Variants in UBASH3A observed in about 807,000 individuals in gnomAD.
The protein encoded by UBASH3A is ubiquitin associated and SH3 domain containing A, also known as ubiquitin-associated and SH3 domain-containing protein A.
UBASH3A carries 63 observed loss-of-function variants against 73.5 expected under a neutral mutation model. That is an observed-to-expected ratio of 0.86 (90% CI 0.70 to 1.06). UBASH3A has a LOEUF of 1.06. Among genes scored for constraint, UBASH3A ranks in the 50% least tolerant of loss-of-function variants. The pLI, the probability that UBASH3A is intolerant of heterozygous loss-of-function variation, is 0.00. For synonymous variants in UBASH3A, 363 were observed against 351.1 expected, an observed-to-expected ratio of 1.03 and a Z score of -0.38; for missense variants, 860 against 859.0, an observed-to-expected ratio of 1.00 and a Z score of -0.02.
chr21:42,407,794 T>A (rs943838499), intron 2 of UBASH3A, among the ~76,000 whole-genome samples: 1 of 152,324 alleles, frequency 6.6e-6, no homozygotes, highest in South Asian at 2.1e-4. Context: ...TAAAGAGACA[T>A]GTACAAAGAT....
chr21:42,405,647 AT>A (rs1365902485), intron 1 of UBASH3A, among the ~76,000 whole-genome samples: 8 of 152,144 alleles, frequency 5.3e-5, no homozygotes, highest in African/African-American at 1.9e-4. Flanking sequence ...TCCAGTCTGC[AT>A]TCCTGATAAA....
Position 42,434,953 on chromosome 21 carries a change from A to G in UBASH3A, c.1392A>G (p.Ala464=). ...SSCGIFQSRI[A]GDALLDSGIR... ...GTGGCATTTTCCAGTCCAGAATTGC[A>G]GGTATGTTTGAGGACTGTCTAGTAG... The change falls in exon 10 of 15, where the codon GCA becomes GCG. Residue 464 remains alanine, a splice_region_variant and synonymous_variant. Coordinates refer to ENST00000319294, the MANE Select transcript of UBASH3A (RefSeq NM_018961.4). 1 of 1,614,026 alleles carries G rather than the reference A, an allele frequency of 6.2e-7. No individual in the cohort carries two copies. The highest frequency in any genetic ancestry group is 1.3e-5 in the African/African-American group (1 of 75,034).
intron 1 of UBASH3A, among the ~76,000 whole-genome samples, chr21:42,405,234 T>G (rs1360657498): frequency 6.6e-6 from 1 of 152,000 alleles, no homozygotes; most frequent in Non-Finnish European, 1.5e-5. Context: ...GTCAGGCATG[T>G]GCAGGGCGGC....
At chr21:42,406,456 C>A in intron 2 of UBASH3A, 95 bp downstream of exon 2, 1 of 1,113,468 alleles carries the variant, frequency 9.0e-7, no homozygotes, top group Non-Finnish European at 1.4e-6. Context: ...CAGGAAGAGC[C>A]GGGCGCCTCT....
intron 9 of UBASH3A, among the ~76,000 whole-genome samples, 188 bp downstream of exon 9, chr21:42,432,390 T>C (rs1327425464): frequency 6.6e-6 from 1 of 152,226 alleles, no homozygotes; most frequent in African/African-American, 2.4e-5. Flanking sequence ...ATGTATGCAT[T>C]TGAGTGTCTG....
chr21:42,415,223 C>T lies in UBASH3A; in HGVS notation c.668-1219C>T, dbSNP rs530557675. Among the ~76,000 whole-genome samples the T allele has an allele frequency of 9.6e-4, 147 of 152,366 alleles. 4 individuals are homozygous for T. The South Asian group carries it at 0.027, about 28-fold the overall frequency. ...CAGAAGTCGGTGTGACTCACTCTGA[C>T]GTCAGCAACCTGCAGTGGGTCTTTC... is the stretch of plus-strand genomic sequence containing the variant. On this transcript the variant is annotated intron_variant, in intron 5 of 14. Coordinates refer to ENST00000319294, the MANE Select transcript of UBASH3A (RefSeq NM_018961.4).
At chr21:42,434,713 T>C (rs2053596065) in intron 9 of UBASH3A, 119 bp from the exon 10 acceptor site, 3 of 1,169,724 alleles carry the variant, frequency 2.6e-6, no homozygotes, top group South Asian at 3.1e-5. Context: ...AACAACACAG[T>C]TGACAATAAT....
At position 42,404,047 on chromosome 21, in the gene UBASH3A, G is replaced by A. The variant is rs150037450; in HGVS notation, c.102G>A (p.Pro34=). The A allele has an allele frequency of 5.0e-4, 764 of 1,519,210 alleles. No homozygotes were observed. The highest frequency in any genetic ancestry group is 6.4e-4 in the Non-Finnish European group (725 of 1,128,430). 94.1% of individuals were successfully genotyped at this position (1,519,210 alleles called of 1,614,324 possible). Residue 34 remains proline, a synonymous_variant, in exon 1 of 15, where the codon CCG becomes CCA. Transcript: ENST00000319294. ...LLEPLLAMGF[P]VHTALKALAA... is the part of the protein sequence containing the mutation. ...AGCCCCTCCTGGCCATGGGCTTCCC[G>A]GTGCACACCGCGTGAGTACTGCCCA...
chr21:42,419,443 A>G (rs1204922743), intron 7 of UBASH3A, among the ~76,000 whole-genome samples: 2 of 152,218 alleles, frequency 1.3e-5, no homozygotes, highest in Non-Finnish European at 2.9e-5. Flanking sequence ...ATCGCTTACA[A>G]GTCCTGCTCT....
At chr21:42,411,991 T>C (rs1347318823) in intron 3 of UBASH3A, among the ~76,000 whole-genome samples, 1 of 152,156 alleles carries the variant, frequency 6.6e-6, no homozygotes, top group Non-Finnish European at 1.5e-5. Flanking sequence ...TCTGGCCTCA[T>C]ACTTGGGCTT....
Position 42,413,329 on chromosome 21 carries a change from G to T in UBASH3A, c.554-81G>T. The T allele has an allele frequency of 6.5e-7, 1 of 1,546,436 alleles. No individual in the cohort carries two copies. Among genetic ancestry groups the T allele is most frequent in the Non-Finnish European group, 8.9e-7 (1 of 1,126,122 alleles). ...CATGGATGCAGTGGGTGGGTTCCAGGGGAGCAGAGCCCAGCAGCAATGGTG... is the reference window on the plus strand; with the variant it reads ...CATGGATGCAGTGGGTGGGTTCCAGTGGAGCAGAGCCCAGCAGCAATGGTG... On this transcript the variant is annotated intron_variant, in intron 4 of 14. Coordinates refer to ENST00000319294, the MANE Select transcript of UBASH3A (RefSeq NM_018961.4). This position sits in a 1 kb window ranked among gnomAD's most constrained non-coding sequence, Gnocchi z 4.5.
chr21:42,428,767 C>T (rs1327380492), intron 8 of UBASH3A, among the ~76,000 whole-genome samples: 2 of 151,980 alleles, frequency 1.3e-5, no homozygotes, highest in Non-Finnish European at 2.9e-5. Context: ...GTGTCTAAAC[C>T]GTGCTTTCAA....
chr21:42,428,903 C>G (rs1188088355), intron 8 of UBASH3A, among the ~76,000 whole-genome samples: 40 of 152,136 alleles, frequency 2.6e-4, no homozygotes, highest in Admixed American at 2.6e-3. Context: ...AGAATCATGG[C>G]CCCAGAGATG....
chr21:42,413,314 G>A lies in UBASH3A; in HGVS notation c.553+92G>A. 2.6e-6 allele frequency: 4 copies of A among 1,555,728 alleles called. No individual in the cohort carries two copies. Among genetic ancestry groups the A allele is most frequent in the Non-Finnish European group, 1.8e-6 (2 of 1,132,652 alleles). On this transcript the variant is annotated intron_variant, in intron 4 of 14. Transcript: ENST00000319294. The surrounding 1 kb of genome is among the most constrained non-coding windows in gnomAD (Gnocchi z 4.5). ...GACTAGCCCCCGGCACATGGATGCA[G>A]TGGGTGGGTTCCAGGGGAGCAGAGC...
At chr21:42,442,385 A>T in intron 11 of UBASH3A, 67 bp from the exon 12 acceptor site, 1 of 1,522,188 alleles carries the variant, frequency 6.6e-7, no homozygotes, top group Admixed American at 1.8e-5. Context: ...ATCTAAAAGG[A>T]GACTTATTTA....
At chr21:42,415,595 A>G (rs2053185675) in intron 5 of UBASH3A, among the ~76,000 whole-genome samples, 1 of 152,298 alleles carries the variant, frequency 6.6e-6, no homozygotes, top group East Asian at 1.9e-4. Context: ...GTGCACCGAC[A>G]CGGCGTCTCT....
Position 42,418,614 on chromosome 21 carries a change from G to C in UBASH3A, c.1046+5G>C. Reference sequence around the variant, plus strand: ...TGACACGTGGGTGAAGCACAGGTGAGTGCTGCCTCTGGCTGCAGCCCCGTC... The same window carrying C: ...TGACACGTGGGTGAAGCACAGGTGACTGCTGCCTCTGGCTGCAGCCCCGTC... On this transcript the variant is annotated splice_donor_5th_base_variant and intron_variant, in intron 7 of 14. Coordinates refer to ENST00000319294, the MANE Select transcript of UBASH3A (RefSeq NM_018961.4). 6.2e-7 allele frequency: 1 copy of C among 1,612,764 alleles called. No homozygotes were observed. Among genetic ancestry groups the C allele is most frequent in the East Asian group, 2.2e-5 (1 of 44,844 alleles).
chr21:42,419,552 C>T (rs761094730), intron 7 of UBASH3A, among the ~76,000 whole-genome samples: 9 of 152,156 alleles, frequency 5.9e-5, no homozygotes, highest in East Asian at 3.8e-4. Flanking sequence ...GAGTTCTCCC[C>T]GGAGGATTCA....
intron 6 of UBASH3A, chr21:42,417,698 A>T (rs1433216155): frequency 6.6e-6 from 1 of 151,918 alleles, no homozygotes; most frequent in African/African-American, 2.4e-5. Flanking sequence ...TCAGACCCAG[A>T]GAGCACGTGT....
Sources: gnomAD v4.1 joint callset for allele counts (sites outside exome capture counted in the v4.1 genomes callset) on GRCh38, gnomAD v4.1.1 for gene constraint, Gnocchi (gnomAD v3.1) non-coding constraint, MANE v1.5 for transcripts, NCBI Gene and HGNC (gene_info 2026-07-23, HGNC 2026-07-21) for gene names.